Variants in ZNF518A observed in about 807,000 individuals in gnomAD.
ZNF518A encodes the protein zinc finger protein 518A, also known as zinc finger protein 518.
ZNF518A carries 47 observed loss-of-function variants against 102.7 expected under a neutral mutation model. That is an observed-to-expected ratio of 0.46 (90% CI 0.36 to 0.58). The LOEUF (loss-of-function observed/expected upper bound fraction) is 0.58. ZNF518A is among the 20% of genes least tolerant of loss of function. ZNF518A has a pLI of 0.00. For synonymous variants in ZNF518A, 652 were observed against 594.6 expected (o/e 1.10, Z -1.40); for missense variants, 1,793 against 1,699.8 (o/e 1.05, Z -0.96).
intron 1 of ZNF518A, among the ~76,000 whole-genome samples, chr10:96,175,702 T>A (rs1554891357): frequency 6.6e-6 from 1 of 152,156 alleles, no homozygotes; most frequent in Non-Finnish European, 1.5e-5. Flanking sequence ...TCAAAGTCTG[T>A]CTTTTAGAAG....
chr10:96,197,205 C>A, intron 1 of ZNF518A: 1 of 627,318 alleles, frequency 1.6e-6, no homozygotes, highest in Non-Finnish European at 2.6e-6. Flanking sequence ...TATTGATTAG[C>A]GCTTGTCTTC....
chr10:96,136,679 A>C (rs1355378608), intron 3 of ZNF518A, among the ~76,000 whole-genome samples: 3 of 152,052 alleles, frequency 2.0e-5, no homozygotes, highest in Non-Finnish European at 4.4e-5. Context: ...GTTTTTAAAG[A>C]TAAGGAACAG....
intron 1 of ZNF518A, chr10:96,190,048 T>A: frequency 1.2e-6 from 1 of 810,232 alleles, no homozygotes; most frequent in Non-Finnish European, 2.2e-6. Flanking sequence ...TTCAACAATG[T>A]GCAGTTCATC....
chr10:96,192,674 T>G (rs1424097507), intron 1 of ZNF518A, among the ~76,000 whole-genome samples: 4 of 152,190 alleles, frequency 2.6e-5, no homozygotes, highest in African/African-American at 9.6e-5. Flanking sequence ...CTAGGCTCTC[T>G]CCATACATAC....
rs1902696 is a variant in ZNF518A at position 96,179,090 on chromosome 10, C to T, written n.35+23043C>T. On this transcript the variant is annotated intron_variant and non_coding_transcript_variant, in intron 1 of 2. Transcript: ENST00000442635. ...TCCTGATACTAAAATTTGATGAAGA[C>T]ATTGTAAGTAAAGAAAACTACAGAC... Among the ~76,000 whole-genome samples the T allele has an allele frequency of 0.03, 4,594 of 152,074 alleles. 756 individuals carry two copies. The East Asian group carries it at 0.49, about 16-fold the overall frequency.
chr10:96,147,426 T>G (rs2082222427), intron 3 of ZNF518A, among the ~76,000 whole-genome samples: 1 of 152,242 alleles, frequency 6.6e-6, no homozygotes, highest in African/African-American at 2.4e-5. Flanking sequence ...CTCCTCCATT[T>G]GATCTCCCAA....
At chr10:96,154,727 G>A (rs1235051251) in intron 3 of ZNF518A, among the ~76,000 whole-genome samples, 1 of 151,946 alleles carries the variant, frequency 6.6e-6, no homozygotes, top group African/African-American at 2.4e-5. Context: ...CCCTTCATGA[G>A]GCCTTCATCT....
intron 3 of ZNF518A, among the ~76,000 whole-genome samples, chr10:96,142,889 C>T (rs1179435938): frequency 6.6e-6 from 1 of 151,886 alleles, no homozygotes; most frequent in Non-Finnish European, 1.5e-5. Flanking sequence ...CACTGCCAAC[C>T]TCTGCCACCC....
At chr10:96,167,155 G>A (rs2083146380), downstream of ZNF518A, among the ~76,000 whole-genome samples, 1 of 152,142 alleles carries the variant, frequency 6.6e-6, no homozygotes, top group Non-Finnish European at 1.5e-5. Flanking sequence ...ATGCTAAGCA[G>A]CTGTTACAAA....
Position 96,156,891 on chromosome 10 carries a change from T to C in ZNF518A, c.569T>C (p.Leu190Ser). 1 of 1,613,870 alleles carries C rather than the reference T, an allele frequency of 6.2e-7. No homozygotes were observed. Among genetic ancestry groups the C allele is most frequent in the South Asian group, 1.1e-5 (1 of 91,064 alleles). Residue 190 changes from leucine to serine, a missense_variant, in exon 6 of 6, where the codon TTA (leucine) becomes TCA (serine). By Grantham distance (145) the Leu-to-Ser change is moderately radical (BLOSUM62 -2). Transcript: ENST00000316045. Reference protein sequence around the residue: ...DICNNESVYTLLNLTKHFTST... With the variant: ...DICNNESVYTSLNLTKHFTST... ...TGTAACAATGAGAGTGTATATACTT[T>C]ACTGAACTTGACAAAGCATTTCACA...
chr10:96,153,086 G>C (rs587613015), intron 3 of ZNF518A, among the ~76,000 whole-genome samples: 2 of 152,344 alleles, frequency 1.3e-5, no homozygotes, highest in Admixed American at 1.3e-4. Context: ...TTCTCAGTCT[G>C]AGGTTAAAGG....
chr10:96,178,930 C>T (rs587699465), intron 1 of ZNF518A, among the ~76,000 whole-genome samples: 11 of 152,108 alleles, frequency 7.2e-5, no homozygotes, highest in South Asian at 2.1e-4. Flanking sequence ...AACCTTCACA[C>T]GAAGAAAGCT....
At chr10:96,197,095 G>A in intron 1 of ZNF518A, 2 of 1,559,862 alleles carry the variant, frequency 1.3e-6, no homozygotes, top group South Asian at 1.1e-5. Context: ...ACATAATTAT[G>A]GTTAGTATTA....
rs2082692788 is a variant in ZNF518A, at chr10:96,156,373, A to G, written c.51A>G (p.Leu17=). ...TTTGTGATGAAAAACAAACTACTTT[A>G]AAAAAAGATTATGATGTGAAAAATG... ...QLFCDEKQTT[L]KKDYDVKNEI... is the part of the protein sequence containing the mutation. The change falls in exon 6 of 6, where the codon TTA becomes TTG. Residue 17 remains leucine (L), a synonymous_variant. Transcript: ENST00000316045. The G allele has an allele frequency of 2.5e-6, 4 of 1,592,620 alleles. No homozygotes were observed. Among genetic ancestry groups the G allele is most frequent in the Non-Finnish European group, 3.4e-6 (4 of 1,173,806 alleles).
At position 96,157,760 on chromosome 10, in the gene ZNF518A, G is replaced by A. The variant is rs781855898; in HGVS notation, c.1438G>A (p.Gly480Ser). Residue 480 changes from glycine to serine, a missense_variant, in exon 6 of 6, where the codon GGT (glycine) becomes AGT (serine). Around this residue, in one of 3 missense-constraint regions of ZNF518A, gnomAD observed 1,741 missense variants for 1,622.6 expected, o/e 1.07. Transcript: ENST00000316045. Reference sequence around the variant, plus strand: ...CTCACAGTCAGGTGCTGCAAAGGACGGTACTGCTAATTTGCAGCCCCAGAC... The same window carrying A: ...CTCACAGTCAGGTGCTGCAAAGGACAGTACTGCTAATTTGCAGCCCCAGAC... ...PGSQSGAAKD[G>S]TANLQPQTLD... 15 of 1,613,650 alleles carry A rather than the reference G, an allele frequency of 9.3e-6. No individual in the cohort carries two copies. The African/African-American group carries it at 1.1e-4, about 11-fold the overall frequency.
At chr10:96,191,234 TC>T (rs1158177412) in intron 1 of ZNF518A, among the ~76,000 whole-genome samples, 1 of 119,508 alleles carries the variant, frequency 8.4e-6, no homozygotes, top group Non-Finnish European at 1.8e-5. Flanking sequence ...CCATTAAACC[TC>T]TTTTTTTTTT....
Position 96,200,944 on chromosome 10 carries a change from T to C in ZNF518A, n.36-2630T>C. On this transcript the variant is annotated intron_variant and non_coding_transcript_variant, in intron 1 of 2. Transcript: ENST00000442635. The surrounding 1 kb of genome is among the most constrained non-coding windows in gnomAD (Gnocchi z 4.3). The stretch of plus-strand genomic sequence containing the variant: ...AGACATGCTCTTTCCTGCAGTTTCC[T>C]GGTAACAATTTAGTGACATCAAGAG... 1.3e-6 allele frequency: 2 copies of C among 1,572,886 alleles called. No individual in the cohort carries two copies. The highest frequency in any genetic ancestry group is 1.1e-5 in the South Asian group (1 of 90,268).
intron 3 of ZNF518A, among the ~76,000 whole-genome samples, chr10:96,147,764 C>T (rs1243658477): frequency 2.0e-5 from 3 of 152,144 alleles, no homozygotes; most frequent in Admixed American, 2.0e-4. Context: ...TGTTAGGAAT[C>T]TTTGCAATGA....
At chr10:96,169,537 A>G (rs1461150341) in intron 1 of ZNF518A, among the ~76,000 whole-genome samples, 1 of 151,916 alleles carries the variant, frequency 6.6e-6, no homozygotes, top group African/African-American at 2.4e-5. Context: ...CTATCCCTTT[A>G]TTGATGTTCT....
Sources: allele counts gnomAD v4.1 joint callset (sites outside exome capture counted in the v4.1 genomes callset), GRCh38; gene constraint gnomAD v4.1.1; regional missense constraint gnomAD v4.1.1; non-coding constraint Gnocchi (gnomAD v3.1); transcripts MANE v1.5; gene names NCBI Gene and HGNC (gene_info 2026-07-23, HGNC 2026-07-21).